Variants in KIF20A observed in about 807,000 individuals in gnomAD.
KIF20A encodes kinesin-like protein KIF20A.
A neutral mutation model predicts 113.0 loss-of-function variants in KIF20A; 66 were observed. The ratio of observed to expected loss-of-function variants is 0.58; its 90% CI spans 0.48 to 0.72. KIF20A has a LOEUF of 0.72. Among genes scored for constraint, KIF20A ranks in the 30% least tolerant of loss-of-function variants. The probability of loss-of-function intolerance (pLI) is 0.00; values close to 1 mark genes in which losing one functional copy is unlikely to be tolerated. For synonymous variants in KIF20A, 376 were observed against 402.3 expected (o/e 0.93, Z 0.78); for missense variants, 927 against 1,077.6 (o/e 0.86, Z 1.96).
chr5:138,181,992 G>A (rs1754668727), intron 4 of KIF20A: 2 of 573,198 alleles, frequency 3.5e-6, no homozygotes, highest in Non-Finnish European at 6.2e-6. Flanking sequence ...CTGAAGCCAT[G>A]TAGCTAGTCA....
In KIF20A at chr5:138,187,505, C is replaced by A; in HGVS notation, c.*92C>A. 2.9e-6 allele frequency: 3 copies of A among 1,030,356 alleles called. No individual in the cohort carries two copies. Among genetic ancestry groups the A allele is most frequent in the South Asian group, 1.7e-5 (1 of 59,050 alleles). 63.8% of individuals were successfully genotyped at this position (1,030,356 alleles called of 1,614,324 possible). A position where few individuals can be genotyped will look rare whatever the true frequency, so the allele number is the denominator to read the frequency against. On this transcript the variant is annotated 3_prime_UTR_variant, in exon 19 of 19. Transcript: ENST00000394894. ...GTCTCTTTTATGCTTTACCATATAT[C>A]AGGAATTATATCCAGGATGCAATAC... is the stretch of plus-strand genomic sequence containing the variant.
At chr5:138,180,372 T>C (rs977747823) in intron 2 of KIF20A, among the ~76,000 whole-genome samples, 1 of 152,182 alleles carries the variant, frequency 6.6e-6, no homozygotes, top group African/African-American at 2.4e-5. Flanking sequence ...TTCTTGGCAT[T>C]TACCCACTAG....
At position 138,184,536 on chromosome 5, in the gene KIF20A, C is replaced by T. The variant is rs147526398; in HGVS notation, c.1543C>T (p.Leu515=). The T allele has an allele frequency of 7.4e-5, 120 of 1,614,024 alleles. No homozygotes were observed. The East Asian group carries it at 2.7e-3, about 36-fold the overall frequency. ...GCTTGTGCATGCCCCACCTATGCAACTGGGATTCCCATCCCTGCACTCGTT... is the reference window on the plus strand; with the variant it reads ...GCTTGTGCATGCCCCACCTATGCAATTGGGATTCCCATCCCTGCACTCGTT... The part of the protein sequence containing the change: ...SQLVHAPPMQ[L]GFPSLHSFIK... Residue 515 remains leucine (L), a synonymous_variant, in exon 13 of 19, where the codon CTG becomes TTG. Transcript: ENST00000394894.
At position 138,186,449 on chromosome 5, in the gene KIF20A, A is replaced by G. The variant is rs1441751807; in HGVS notation, c.2355+18A>G. 2 of 1,606,310 alleles carry G rather than the reference A, an allele frequency of 1.2e-6. No homozygotes were observed. The highest frequency in any genetic ancestry group is 2.2e-5 in the South Asian group (2 of 89,480). ...TCAAACAGGTTAGGGCAAACTATAT[A>G]CCCACTTCTGTCCTACCAGCCCACT... On this transcript the variant is annotated intron_variant, in intron 18 of 18. Coordinates refer to ENST00000394894, the MANE Select transcript of KIF20A (RefSeq NM_005733.3).
chr5:138,186,097 A>G, intron 17 of KIF20A, 45 bp downstream of exon 17: 8 of 1,565,412 alleles, frequency 5.1e-6, no homozygotes, highest in East Asian at 2.2e-5. Flanking sequence ...ACCTAAGGCA[A>G]TTTCCCACAT....
intron 4 of KIF20A, among the ~76,000 whole-genome samples, chr5:138,182,081 G>A (rs1430490086): frequency 6.6e-6 from 1 of 152,170 alleles, no homozygotes; most frequent in African/African-American, 2.4e-5. Flanking sequence ...GCCCCATTGT[G>A]TGTGCAGCAT....
chr5:138,184,840 C>G lies in KIF20A; in HGVS notation c.1717C>G (p.Leu573Val). The change falls in exon 14 of 19, where the codon CTG (leucine) becomes GTG (valine). Residue 573 changes from leucine to valine, a missense_variant. Transcript: ENST00000394894. Reference sequence around the variant, plus strand: ...ACAAGTTGTGGAAGCCATGAAGACACTGCTTTTGAAGGAACGACAGGAAAA... The same window carrying G: ...ACAAGTTGTGGAAGCCATGAAGACAGTGCTTTTGAAGGAACGACAGGAAAA... Reference protein sequence around the residue: ...LLQVVEAMKTLLLKERQEKLQ... With the variant: ...LLQVVEAMKTVLLKERQEKLQ... 1 of 1,614,180 alleles carries G rather than the reference C, an allele frequency of 6.2e-7. No individual in the cohort carries two copies.
At position 138,185,896 on chromosome 5, in the gene KIF20A, TAA is replaced by T. The variant is rs1454600997; in HGVS notation, c.2126-63_2126-62del. The T allele has an allele frequency of 3.5e-5, 50 of 1,436,706 alleles. 1 individual carries two copies. The highest frequency in any genetic ancestry group is 3.5e-4 in the Middle Eastern group (2 of 5,720). 89.0% of individuals were successfully genotyped at this position (1,436,706 alleles called of 1,614,324 possible). ...TGCTGCAAGCTACTGTTACCTCAGTTAAAGAGGTTAGTCCAAGGCTAAAAAAA... is the reference window on the plus strand; with the variant it reads ...TGCTGCAAGCTACTGTTACCTCAGTTAGAGGTTAGTCCAAGGCTAAAAAAA... On this transcript the variant is annotated intron_variant, in intron 16 of 18. Transcript: ENST00000394894.
At position 138,185,674 on chromosome 5, in the gene KIF20A, C is replaced by T. The variant is rs1223193896; in HGVS notation, c.2089C>T (p.Gln697Ter). Residue 697 changes from glutamine to a stop codon, truncating the protein, a stop_gained, in exon 16 of 19, where the codon CAG becomes TAG. Transcript: ENST00000394894. LOFTEE classifies it high-confidence loss of function. Reference protein sequence around the residue: ...QQLQEVKAKLQQCKAELNSTT... With the variant: ...QQLQEVKAKL The stretch of plus-strand genomic sequence containing the variant: ...GCTTCAGGAGGTTAAAGCTAAATTA[C>T]AGCAGTGCAAAGCAGAGCTAAACTC... 2 of 1,614,182 alleles carry T rather than the reference C, an allele frequency of 1.2e-6. No homozygotes were observed. Among genetic ancestry groups the T allele is most frequent in the African/African-American group, 1.3e-5 (1 of 75,070 alleles).
chr5:138,187,569 A>T lies in KIF20A; in HGVS notation c.*156A>T. 1.7e-6 allele frequency: 1 copy of T among 586,440 alleles called. No individual in the cohort carries two copies. Among genetic ancestry groups the T allele is most frequent in the South Asian group, 2.7e-5 (1 of 37,502 alleles). 36.3% of individuals were successfully genotyped at this position (586,440 alleles called of 1,614,324 possible). A position where few individuals can be genotyped will look rare whatever the true frequency, so the allele number is the denominator to read the frequency against. ...TTTTTCTCACTTTTGTATTATAACC[A>T]CCTATGTAATCTCATGTTGTTGTTT... On this transcript the variant is annotated 3_prime_UTR_variant, in exon 19 of 19. Transcript: ENST00000394894.
At chr5:138,186,147 T>C in intron 17 of KIF20A, 95 bp downstream of exon 17, 1 of 1,502,878 alleles carries the variant, frequency 6.7e-7, no homozygotes, top group Non-Finnish European at 9.2e-7. Context: ...ACAAGATGTT[T>C]TTTGTGCACA....
chr5:138,183,068 C>A lies in KIF20A; in HGVS notation c.832+78C>A. 1 of 1,604,730 alleles carries A rather than the reference C, an allele frequency of 6.2e-7. No homozygotes were observed. Among genetic ancestry groups the A allele is most frequent in the South Asian group, 1.1e-5 (1 of 90,164 alleles). On this transcript the variant is annotated intron_variant, in intron 7 of 18. Transcript: ENST00000394894. This position sits in a 1 kb window ranked among gnomAD's most constrained non-coding sequence, Gnocchi z 5.2. ...TCCTAATAGCTGCCAGGAGTACAGA[C>A]CAGAGGTTGCAATCTAAGGTCTGCC...
At chr5:138,179,574 G>T in intron 1 of KIF20A, 86 bp from the exon 2 acceptor site, 1 of 1,036,246 alleles carries the variant, frequency 9.7e-7, no homozygotes. Flanking sequence ...ACGGTGTCCT[G>T]GGGCAAGGGA....
chr5:138,183,282 C>G lies in KIF20A; in HGVS notation c.946C>G (p.Leu316Val). ...GATCTACAACGAACTGCTTTATGAC[C>G]TATTAGAACCGCCTAGCCAACAGCG... ...FEIYNELLYDLLEPPSQQRKR... is the reference protein window; with the variant it reads ...FEIYNELLYDVLEPPSQQRKR... The change falls in exon 8 of 19, where the codon CTA (leucine) becomes GTA (valine). Residue 316 changes from leucine to valine, a missense_variant. Coordinates refer to ENST00000394894, the MANE Select transcript of KIF20A (RefSeq NM_005733.3). This position sits in a 1 kb window ranked among gnomAD's most constrained non-coding sequence, Gnocchi z 5.2. The G allele has an allele frequency of 6.2e-7, 1 of 1,614,254 alleles. No individual in the cohort carries two copies. Among genetic ancestry groups the G allele is most frequent in the Non-Finnish European group, 8.5e-7 (1 of 1,180,042 alleles).
rs1435467210 is a variant in KIF20A at position 138,181,671 on chromosome 5, C to G, written c.318C>G (p.Ala106=). 5.6e-6 allele frequency: 9 copies of G among 1,613,964 alleles called. No homozygotes were observed. The highest frequency in any genetic ancestry group is 5.9e-6 in the Non-Finnish European group (7 of 1,180,018). The change falls in exon 4 of 19, where the codon GCC becomes GCG. Residue 106 remains alanine (A), a synonymous_variant. Transcript: ENST00000394894. ...LVLQAPKDSF[A]LKSNERGIGQ... is the part of the protein sequence containing the mutation. The stretch of plus-strand genomic sequence containing the variant: ...TACAAGCACCCAAGGACTCTTTTGC[C>G]CTGAAGAGCAATGAACGGGGAATTG...
intron 17 of KIF20A, 114 bp from the exon 18 acceptor site, chr5:138,186,180 C>A: frequency 1.3e-6 from 2 of 1,496,560 alleles, no homozygotes; most frequent in Non-Finnish European, 9.2e-7. Flanking sequence ...GGCTATTTCA[C>A]TCAGCTGACT....
rs780511626 is a variant in KIF20A, at chr5:138,179,664, A to G, written c.-17A>G. ...CACTTTTTGGTCTCTTTTTAGACCT[A>G]GGCTGCCCCTGCCGTCATGTCGCAA... is the stretch of plus-strand genomic sequence containing the variant. On this transcript the variant is annotated 5_prime_UTR_variant, in exon 2 of 19. Coordinates refer to ENST00000394894, the MANE Select transcript of KIF20A (RefSeq NM_005733.3). 6.2e-7 allele frequency: 1 copy of G among 1,613,468 alleles called. No individual in the cohort carries two copies. The highest frequency in any genetic ancestry group is 1.1e-5 in the South Asian group (1 of 91,050).
Position 138,185,201 on chromosome 5 carries a change from A to G in KIF20A, c.1926+4A>G, listed in dbSNP as rs772419291. 2.6e-5 allele frequency: 42 copies of G among 1,593,578 alleles called. No individual in the cohort carries two copies. The East Asian group carries it at 9.2e-4, about 35-fold the overall frequency. On this transcript the variant is annotated splice_donor_region_variant and intron_variant, in intron 15 of 18. Coordinates refer to ENST00000394894, the MANE Select transcript of KIF20A (RefSeq NM_005733.3). ...TTTTTACCAAGAAGAGATTCAGGTG[A>G]GTTGCCCTGAGCCAGCTCCAATTAG...
At position 138,183,968 on chromosome 5, in the gene KIF20A, A is replaced by G. The variant is rs747327981; in HGVS notation, c.1215A>G (p.Ser405=). 15 of 1,613,892 alleles carry G rather than the reference A, an allele frequency of 9.3e-6. No homozygotes were observed. The Admixed American group carries it at 2.5e-4, about 27-fold the overall frequency. Residue 405 remains serine, a synonymous_variant, in exon 11 of 19, where the codon TCA becomes TCG. Coordinates refer to ENST00000394894, the MANE Select transcript of KIF20A (RefSeq NM_005733.3). This position sits in a 1 kb window ranked among gnomAD's most constrained non-coding sequence, Gnocchi z 5.2. ...ATCCTGTGCATCATTCTAGGCTGTCACTCTGTGATCTGGCTGGCTCAGAGC... is the reference window on the plus strand; with the variant it reads ...ATCCTGTGCATCATTCTAGGCTGTCGCTCTGTGATCTGGCTGGCTCAGAGC... ...GDIVPKISEL[S]LCDLAGSERC...
Sources: gnomAD v4.1 joint callset for allele counts (sites outside exome capture counted in the v4.1 genomes callset) on GRCh38, gnomAD v4.1.1 for gene constraint, Gnocchi (gnomAD v3.1) non-coding constraint, MANE v1.5 for transcripts, NCBI Gene and HGNC (gene_info 2026-07-23, HGNC 2026-07-21) for gene names.